Variants in DCLK2 observed in about 807,000 individuals in gnomAD.
DCLK2 encodes the protein doublecortin like kinase 2, also known as serine/threonine-protein kinase DCLK2.
DCLK2 carries 31 observed loss-of-function variants against 78.4 expected under a neutral mutation model. That is an observed-to-expected ratio of 0.40 (90% CI 0.30 to 0.53). DCLK2 has a LOEUF of 0.53. Ranked by LOEUF, DCLK2 falls within the 20% of genes least tolerant of loss-of-function variation. The probability of loss-of-function intolerance (pLI) is 0.61; values close to 1 mark genes in which losing one functional copy is unlikely to be tolerated. For missense variants in DCLK2, 872 were observed against 973.7 expected, an observed-to-expected ratio of 0.90 and a Z score of 1.39; for synonymous variants, 407 against 374.9, an observed-to-expected ratio of 1.09 and a Z score of -0.99.
intron 12 of DCLK2, 107 bp downstream of exon 12, chr4:150,240,583 C>A: frequency 1.1e-5 from 7 of 630,338 alleles, no homozygotes; most frequent in Non-Finnish European, 1.2e-5. Flanking sequence ...ATTAAAAATG[C>A]CAGTTAAAAA....
chr4:150,091,758 A>G (rs954426910), intron 1 of DCLK2, among the ~76,000 whole-genome samples: 1 of 141,946 alleles, frequency 7.0e-6, no homozygotes, highest in Admixed American at 7.4e-5. Flanking sequence ...TTTGTCCTAA[A>G]AGGAACATTT....
intron 2 of DCLK2, among the ~76,000 whole-genome samples, chr4:150,110,378 A>C (rs138262699): frequency 6.6e-6 from 1 of 152,188 alleles, no homozygotes; most frequent in African/African-American, 2.4e-5. Context: ...TTACATATGT[A>C]TTTGACAATG....
chr4:150,140,210 G>A (rs1416018673), intron 2 of DCLK2, among the ~76,000 whole-genome samples: 3 of 152,174 alleles, frequency 2.0e-5, no homozygotes, highest in Non-Finnish European at 4.4e-5. Context: ...TGAACAGAAA[G>A]GTGATTTGTT....
chr4:150,181,008 T>C (rs1226467554), intron 2 of DCLK2, among the ~76,000 whole-genome samples: 2 of 152,118 alleles, frequency 1.3e-5, no homozygotes, highest in Non-Finnish European at 2.9e-5. Flanking sequence ...AGACAGGCAT[T>C]GCTGAGTTTC....
chr4:150,117,077 G>A (rs770857400), intron 2 of DCLK2, among the ~76,000 whole-genome samples: 1 of 152,110 alleles, frequency 6.6e-6, no homozygotes. Flanking sequence ...GTGGGGGCTG[G>A]ATAAGGCAGG....
intron 2 of DCLK2, among the ~76,000 whole-genome samples, chr4:150,103,328 A>G (rs945283816): frequency 6.6e-6 from 1 of 152,234 alleles, no homozygotes; most frequent in Non-Finnish European, 1.5e-5. Flanking sequence ...CAATGGAGGT[A>G]ATTAGTGAGC....
chr4:150,228,735 C>G (rs1482803211), intron 8 of DCLK2, among the ~76,000 whole-genome samples: 1 of 152,218 alleles, frequency 6.6e-6, no homozygotes, highest in Admixed American at 6.5e-5. Context: ...CCAGATAAAA[C>G]TATGGCTGGG....
chr4:150,181,653 G>A (rs902731521), intron 2 of DCLK2, among the ~76,000 whole-genome samples: 8 of 151,922 alleles, frequency 5.3e-5, no homozygotes, highest in African/African-American at 1.4e-4. Context: ...CAAATGTAGG[G>A]AGCTGTCTGC....
At chr4:150,106,030 A>G (rs956534026) in intron 2 of DCLK2, among the ~76,000 whole-genome samples, 1 of 152,148 alleles carries the variant, frequency 6.6e-6, no homozygotes, top group Non-Finnish European at 1.5e-5. Flanking sequence ...TTAGAAATTC[A>G]TACACATTAT....
chr4:150,248,210 T>G, intron 13 of DCLK2, 95 bp from the exon 14 acceptor site: 2 of 1,052,678 alleles, frequency 1.9e-6, no homozygotes, highest in Middle Eastern at 4.0e-4. Context: ...CTGGCTCTTC[T>G]CTGAAGTGCT....
chr4:150,193,007 G>A (rs546074423), intron 2 of DCLK2, 131 bp from the exon 3 acceptor site: 56 of 574,090 alleles, frequency 9.8e-5, no homozygotes, highest in Non-Finnish European at 1.5e-4. Flanking sequence ...GCTTAGAAAC[G>A]TAGTTATATT....
chr4:150,204,013 C>G (rs1739653955), intron 5 of DCLK2, 124 bp downstream of exon 5: 1 of 875,442 alleles, frequency 1.1e-6, no homozygotes, highest in Non-Finnish European at 1.7e-6. Flanking sequence ...GGATTTTGAG[C>G]CTGGTAGACT....
chr4:150,120,261 T>G (rs1056576195), intron 2 of DCLK2, among the ~76,000 whole-genome samples: 14 of 152,334 alleles, frequency 9.2e-5, no homozygotes, highest in Admixed American at 6.5e-5. Context: ...GGTAGCCTAT[T>G]ATAAACTGTG....
At chr4:150,211,404 TTGG>T (rs1386376652) in intron 5 of DCLK2, among the ~76,000 whole-genome samples, 1 of 152,098 alleles carries the variant, frequency 6.6e-6, no homozygotes, top group East Asian at 1.9e-4. Flanking sequence ...CCATAATATC[TTGG>T]TGGTCACACA....
chr4:150,175,945 A>G (rs896154599), intron 2 of DCLK2, among the ~76,000 whole-genome samples: 2 of 152,142 alleles, frequency 1.3e-5, no homozygotes, highest in East Asian at 1.9e-4. Context: ...ACGGGCTCCC[A>G]TTTATCTTTG....
At chr4:150,163,909 G>T (rs945475354) in intron 2 of DCLK2, among the ~76,000 whole-genome samples, 6 of 152,126 alleles carry the variant, frequency 3.9e-5, no homozygotes, top group African/African-American at 1.4e-4. Flanking sequence ...ACTTTCCATG[G>T]TTAAGGACAG....
intron 2 of DCLK2, among the ~76,000 whole-genome samples, chr4:150,123,591 C>T (rs546057908): frequency 4.6e-5 from 7 of 152,210 alleles, no homozygotes; most frequent in African/African-American, 1.2e-4. Flanking sequence ...GAGCACAGGC[C>T]GTTGGAAAAA....
intron 1 of DCLK2, among the ~76,000 whole-genome samples, chr4:150,084,651 C>T (rs905449909): frequency 6.6e-6 from 1 of 152,136 alleles, no homozygotes; most frequent in Admixed American, 6.5e-5. Context: ...CACAGTGATA[C>T]TCTGGAAGTT....
At chr4:150,099,004 G>A (rs1294520943) in intron 1 of DCLK2, among the ~76,000 whole-genome samples, 1 of 151,332 alleles carries the variant, frequency 6.6e-6, no homozygotes, top group Non-Finnish European at 1.5e-5. Flanking sequence ...CTCTCACACT[G>A]TTATTTTTAT....
Sources: allele counts gnomAD v4.1 joint callset (sites outside exome capture counted in the v4.1 genomes callset), GRCh38; gene constraint gnomAD v4.1.1; transcripts MANE v1.5; gene names NCBI Gene and HGNC (gene_info 2026-07-23, HGNC 2026-07-21).